TTLL8: variants seen among roughly 807,000 people sequenced by gnomAD.
TTLL8 encodes the protein tubulin tyrosine ligase like 8.
Under a neutral mutation model 77.8 loss-of-function variants are expected in TTLL8, and 65 were observed. That is an observed-to-expected ratio of 0.84 (90% confidence interval 0.68 to 1.03). The LOEUF (loss-of-function observed/expected upper bound fraction) is 1.03. TTLL8 is among the 50% of genes least tolerant of loss of function. The probability of loss-of-function intolerance (pLI) is 0.00; values close to 1 mark genes in which losing one functional copy is unlikely to be tolerated. For synonymous variants in TTLL8, 402 were observed against 422.8 expected (o/e 0.95, Z 0.60); for missense variants, 910 against 1,004.5 (o/e 0.91, Z 1.27).
At chr22:50,039,886 G>A (rs1430890472) in intron 8 of TTLL8, among the ~76,000 whole-genome samples, 2 of 151,238 alleles carry the variant, frequency 1.3e-5, no homozygotes, top group Admixed American at 6.6e-5. Flanking sequence ...GTGTCGGTGT[G>A]GACAGACCTC....
intron 6 of TTLL8, among the ~76,000 whole-genome samples, chr22:50,042,767 A>G (rs2061379744): frequency 6.6e-6 from 1 of 152,200 alleles, no homozygotes; most frequent in South Asian, 2.1e-4. Context: ...CTGTCTCACA[A>G]CACAATCACC....
At chr22:50,030,839 G>A (rs1260105011) in exon 12 of TTLL8, 2 of 1,342,160 alleles carry the variant, frequency 1.5e-6, no homozygotes, top group Non-Finnish European at 2.0e-6. Context: ...GGTTGCAGAC[G>A]GGCAGCACCT....
intron 12 of TTLL8, among the ~76,000 whole-genome samples, chr22:50,029,362 AC>A (rs201121535): frequency 4.4e-4 from 29 of 65,606 alleles, no homozygotes; most frequent in African/African-American, 1.2e-3. Context: ...CGTCCTAAAG[AC>A]CCCCACACAC....
intron 4 of TTLL8, 37 bp from the exon 7 acceptor site, chr22:50,046,007 C>T: frequency 7.6e-7 from 1 of 1,312,710 alleles, no homozygotes; most frequent in Non-Finnish European, 1.0e-6. Flanking sequence ...GGAGGGGCAG[C>T]TCAGCTCAGC....
intron 3 of TTLL8, among the ~76,000 whole-genome samples, chr22:50,048,956 A>C (rs2146692902): frequency 6.6e-6 from 1 of 152,356 alleles, no homozygotes; most frequent in South Asian, 2.1e-4. Context: ...GCCGGGCCTC[A>C]GTGCCCTCAG....
intron 12 of TTLL8, among the ~76,000 whole-genome samples, chr22:50,024,135 T>TTGTTTTG (rs1169332236): frequency 6.6e-6 from 1 of 152,162 alleles, no homozygotes; most frequent in Non-Finnish European, 1.5e-5. Context: ...ATATTTGGTT[T>TTGTTTTG]TGTTTTGTGT....
Position 50,034,694 on chromosome 22 carries a change from A to C in TTLL8, c.922-232T>G, listed in dbSNP as rs1169260177. ...CAGCCCTGTGAGGCTGCTCCAGACG[A>C]GGGCTGTGTTAAGACAGTGGGGACC... is the stretch of plus-strand genomic sequence containing the variant. On this transcript the variant is annotated intron_variant, in intron 8 of 13. Transcript: ENST00000266182. This position sits in a 1 kb window ranked among gnomAD's most constrained non-coding sequence, Gnocchi z 4.1. Among the ~76,000 whole-genome samples, 1 of 150,678 alleles carries C rather than the reference A, an allele frequency of 6.6e-6. No homozygotes were observed. The highest frequency in any genetic ancestry group is 1.5e-5 in the Non-Finnish European group (1 of 67,844).
intron 6 of TTLL8, 198 bp downstream of exon 8, chr22:50,045,057 G>C (rs780294167): frequency 3.0e-6 from 1 of 337,432 alleles, no homozygotes; most frequent in South Asian, 1.2e-4. Context: ...CTTTACAAAC[G>C]GGGTGACTTT....
At chr22:50,055,087 G>A (rs2061463807), upstream of TTLL8, 4 of 1,099,126 alleles carry the variant, frequency 3.6e-6, no homozygotes, top group Non-Finnish European at 4.6e-6. Flanking sequence ...ATAAATGAAA[G>A]GTAACATGAG....
At chr22:50,049,294 A>G (rs2061430760) in exon 3 of TTLL8, 2 of 1,367,434 alleles carry the variant, frequency 1.5e-6, no homozygotes, top group East Asian at 9.1e-5. Context: ...CCATTTCTTG[A>G]TTTTCTTTGA....
chr22:50,047,304 G>T lies in TTLL8; in HGVS notation c.265-8C>A. The T allele has an allele frequency of 5.9e-6, 8 of 1,366,526 alleles. No individual in the cohort carries two copies. The highest frequency in any genetic ancestry group is 1.5e-5 in the African/African-American group (1 of 67,784). The allele number at this position is 1,366,526 out of a possible 1,614,324, so 84.7% of individuals were successfully genotyped here. A position where few individuals can be genotyped will look rare whatever the true frequency, so the allele number is the denominator to read the frequency against. ...ATTTTTTACCAACCTAGACTGGCAA[G>T]AAAAAAGTCTTTATTGATGCCCAGC... is the stretch of plus-strand genomic sequence containing the variant. On this transcript the variant is annotated splice_region_variant and splice_polypyrimidine_tract_variant and intron_variant, in intron 3 of 13. Coordinates refer to ENST00000266182, the Ensembl canonical transcript of TTLL8.
rs1459178233 is a variant in TTLL8 at position 50,041,849 on chromosome 22, A to G, written c.644-42T>C. On this transcript the variant is annotated intron_variant, in intron 6 of 13. Transcript: ENST00000266182. The surrounding 1 kb of genome is among the most constrained non-coding windows in gnomAD (Gnocchi z 4.3). ...GGCACATGCAGTGGGAACCTCACCC[A>G]GGGGCAGCCCTGCCCGCCTCGAGGG... is the stretch of plus-strand genomic sequence containing the variant. 3.0e-6 allele frequency: 4 copies of G among 1,327,950 alleles called. No homozygotes were observed. The highest frequency in any genetic ancestry group is 4.0e-6 in the Non-Finnish European group (4 of 1,006,154). The allele number at this position is 1,327,950 out of a possible 1,614,324, so 82.3% of individuals were successfully genotyped here. A position where few individuals can be genotyped will look rare whatever the true frequency, so the allele number is the denominator to read the frequency against.
exon 6 of TTLL8, chr22:50,045,334 C>T: frequency 7.3e-7 from 1 of 1,365,878 alleles, no homozygotes; most frequent in Non-Finnish European, 9.8e-7. Context: ...TGCTGCAGCT[C>T]TGGTGGCTGA....
intron 4 of TTLL8, 165 bp downstream of exon 6, chr22:50,047,003 T>A: frequency 1.2e-6 from 1 of 825,440 alleles, no homozygotes; most frequent in Non-Finnish European, 1.5e-6. Context: ...GGGGGTGGGG[T>A]GGGCACCGAG....
chr22:50,035,213 C>A (rs1184050473), intron 8 of TTLL8, among the ~76,000 whole-genome samples: 2 of 152,178 alleles, frequency 1.3e-5, no homozygotes, highest in African/African-American at 2.4e-5. Context: ...GGTGGGGACC[C>A]CATGACGTCC....
intron 12 of TTLL8, among the ~76,000 whole-genome samples, chr22:50,028,882 A>C (rs9617133): frequency 1.5e-4 from 1 of 6,838 alleles, no homozygotes; most frequent in African/African-American, 2.3e-3. Flanking sequence ...ACACCATCCT[A>C]AAGACCCCAC....
intron 3 of TTLL8, among the ~76,000 whole-genome samples, chr22:50,048,108 C>A (rs1313356586): frequency 7.7e-6 from 1 of 129,844 alleles, no homozygotes; most frequent in Non-Finnish European, 1.6e-5. Flanking sequence ...AAACACCCCC[C>A]CAAAAAAGTG....
intron 8 of TTLL8, among the ~76,000 whole-genome samples, chr22:50,037,560 T>TACACAA (rs1275962684): frequency 6.6e-6 from 1 of 152,218 alleles, no homozygotes; most frequent in African/African-American, 2.4e-5. Context: ...AATTTTTGTG[T>TACACAA]ATTTGTGAAG....
Position 50,041,700 on chromosome 22 carries a change from C to T in TTLL8, c.751G>A (p.Asp251Asn), listed in dbSNP as rs1197519242. 5.9e-6 allele frequency: 8 copies of T among 1,366,846 alleles called. No homozygotes were observed. Among genetic ancestry groups the T allele is most frequent in the East Asian group, 4.5e-5 (1 of 21,992 alleles). 84.7% of individuals were successfully genotyped at this position (1,366,846 alleles called of 1,614,324 possible). A position where few individuals can be genotyped will look rare whatever the true frequency, so the allele number is the denominator to read the frequency against. Residue 251 changes from aspartate to asparagine, a missense_variant, in exon 7 of 14, where the codon GAC (aspartate) becomes AAC (asparagine). Coordinates refer to ENST00000266182, the Ensembl canonical transcript of TTLL8. The surrounding 1 kb of genome is among the most constrained non-coding windows in gnomAD (Gnocchi z 4.3). The stretch of plus-strand genomic sequence containing the variant: ...TCCTCCACGGCATCTGCTGACGTGT[C>T]GATGTCCTCATGCTCCAGCTGCCCC...
Sources: allele counts gnomAD v4.1 joint callset (sites outside exome capture counted in the v4.1 genomes callset), GRCh38; gene constraint gnomAD v4.1.1; non-coding constraint Gnocchi (gnomAD v3.1); transcripts MANE v1.5; gene names NCBI Gene and HGNC (gene_info 2026-07-23, HGNC 2026-07-21).